The following MAPKBP1 variants were observed in gnomAD, a reference collection of about 807,000 sequenced individuals.
The protein encoded by MAPKBP1 is mitogen-activated protein kinase binding protein 1.
In MAPKBP1, 71 loss-of-function variants were observed where a neutral mutation model predicts 170.5. That is an observed-to-expected ratio of 0.42 (90% CI 0.34 to 0.51). MAPKBP1 has a LOEUF of 0.51. Among genes scored for constraint, MAPKBP1 ranks in the 20% least tolerant of loss-of-function variants. The pLI is 0.06. For missense variants in MAPKBP1, 1,598 were observed against 1,933.0 expected, an observed-to-expected ratio of 0.83 and a Z score of 3.25; for synonymous variants, 719 against 757.9, an observed-to-expected ratio of 0.95 and a Z score of 0.84.
chr15:41,818,449 C>A lies in MAPKBP1; in HGVS notation c.2093-70C>A. 1 of 1,521,274 alleles carries A rather than the reference C, an allele frequency of 6.6e-7. No individual in the cohort carries two copies. The highest frequency in any genetic ancestry group is 9.1e-7 in the Non-Finnish European group (1 of 1,103,654). 94.2% of individuals were successfully genotyped at this position (1,521,274 alleles called of 1,614,324 possible). On this transcript the variant is annotated intron_variant, in intron 18 of 30. Transcript: ENST00000457542. This position sits in a 1 kb window ranked among gnomAD's most constrained non-coding sequence, Gnocchi z 5.2. ...ACCCTGCAGCCAACCCCCGTGTCCA[C>A]TGTTGGGATGGAGAGGACTTGGTTG...
intron 2 of MAPKBP1, among the ~76,000 whole-genome samples, chr15:41,788,894 A>G (rs971948563): frequency 1.3e-5 from 2 of 152,194 alleles, no homozygotes; most frequent in East Asian, 1.9e-4. Context: ...GAAAGAGTCT[A>G]TAGTAAGGAA....
chr15:41,823,871 G>A lies in MAPKBP1; in HGVS notation c.4023G>A (p.Leu1341=), dbSNP rs189343820. 9.9e-6 allele frequency: 16 copies of A among 1,614,164 alleles called. No homozygotes were observed. In the South Asian group the frequency reaches 1.4e-4, roughly 14 times the overall value. Residue 1341 remains leucine (L), a synonymous_variant, in exon 29 of 31, where the codon TTG becomes TTA. Coordinates refer to ENST00000457542, the MANE Select transcript of MAPKBP1 (RefSeq NM_014994.3). The stretch of plus-strand genomic sequence containing the variant: ...GTACAACTGAGAGATGGGCCTGTTT[G>A]GGGGAGGGCACCACTCCCAAGCCTA... ...AHSTTERWAC[L]GEGTTPKPRT...
At chr15:41,784,016 A>G (rs1262592035) in intron 2 of MAPKBP1, among the ~76,000 whole-genome samples, 1 of 152,188 alleles carries the variant, frequency 6.6e-6, no homozygotes, top group Non-Finnish European at 1.5e-5. Context: ...CTCAAAAAAA[A>G]GAAACTCTGA....
intron 6 of MAPKBP1, 114 bp from the exon 7 acceptor site, chr15:41,812,402 C>G: frequency 6.9e-7 from 1 of 1,449,366 alleles, no homozygotes; most frequent in East Asian, 2.3e-5. Flanking sequence ...CCAGTAAATT[C>G]TGGAAAGAAA....
chr15:41,810,917 A>G lies in MAPKBP1; in HGVS notation c.241A>G (p.Lys81Glu), dbSNP rs762281420. ...TGTGTTGTTCAATCCCCGGAAACAC[A>G]AACAGCACCACATCCTCAACAGTTC... ...VVVLFNPRKHKQHHILNSSRK... is the reference protein window; with the variant it reads ...VVVLFNPRKHEQHHILNSSRK... The change falls in exon 4 of 31, where the codon AAA becomes GAA. Residue 81 changes from lysine to glutamate, a missense_variant. Physicochemically the swap from Lys to Glu is moderately conservative, Grantham distance 56. Transcript: ENST00000457542. 1.2e-5 allele frequency: 19 copies of G among 1,614,172 alleles called. No individual in the cohort carries two copies. The highest frequency in any genetic ancestry group is 1.6e-4 in the Middle Eastern group (1 of 6,062).
Position 41,827,268 on chromosome 15 carries a change from C to T in MAPKBP1, c.*1832C>T, listed in dbSNP as rs989173146. 2.6e-5 allele frequency: 4 copies of T among 151,998 alleles called. No homozygotes were observed. Among genetic ancestry groups the T allele is most frequent in the African/African-American group, 9.7e-5 (4 of 41,354 alleles). 9.4% of individuals were successfully genotyped at this position (151,998 alleles called of 1,614,324 possible). A position where few individuals can be genotyped will look rare whatever the true frequency, so the allele number is the denominator to read the frequency against. On this transcript the variant is annotated 3_prime_UTR_variant, in exon 31 of 31. Coordinates refer to ENST00000457542, the MANE Select transcript of MAPKBP1 (RefSeq NM_014994.3). ...TGAGCCGAGATCGCGCCATTGCACT[C>T]CAACCTAGGTGACAAAGCTACACGC... is the stretch of plus-strand genomic sequence containing the variant.
Position 41,823,688 on chromosome 15 carries a change from C to T in MAPKBP1, c.3840C>T (p.Ser1280=), listed in dbSNP as rs2065042010. ...AHAPIRVSPL[S]KLALPSRAHL... ...CCCCCATCCGAGTCTCACCACTCAG[C>T]AAGCTGGCCCTGCCCAGCCGGGCTC... Residue 1280 remains serine (S), a synonymous_variant, in exon 29 of 31, where the codon AGC becomes AGT. Coordinates refer to ENST00000457542, the MANE Select transcript of MAPKBP1 (RefSeq NM_014994.3). 6.2e-7 allele frequency: 1 copy of T among 1,614,092 alleles called. No individual in the cohort carries two copies.
Position 41,817,990 on chromosome 15 carries a change from G to C in MAPKBP1, c.1905-19G>C, listed in dbSNP as rs924248434. 6.2e-7 allele frequency: 1 copy of C among 1,613,368 alleles called. No individual in the cohort carries two copies. Among genetic ancestry groups the C allele is most frequent in the Non-Finnish European group, 8.5e-7 (1 of 1,179,328 alleles). ...ACCTTCACCGCCTCCTCATGAGAAA[G>C]AGACTATGTTTCTTACAGGATATTT... On this transcript the variant is annotated intron_variant, in intron 16 of 30. Transcript: ENST00000457542. The surrounding 1 kb of genome is among the most constrained non-coding windows in gnomAD (Gnocchi z 4.2).
At position 41,817,205 on chromosome 15, in the gene MAPKBP1, T is replaced by G. The variant is rs556362556; in HGVS notation, c.1711+170T>G. Among the ~76,000 whole-genome samples, 1 of 152,276 alleles carries G rather than the reference T, an allele frequency of 6.6e-6. No individual in the cohort carries two copies. The highest frequency in any genetic ancestry group is 2.1e-4 in the South Asian group (1 of 4,822). On this transcript the variant is annotated intron_variant, in intron 14 of 30. Transcript: ENST00000457542. The surrounding 1 kb of genome is among the most constrained non-coding windows in gnomAD (Gnocchi z 4.2). Reference sequence around the variant, plus strand: ...AACAGAGACTCTCAGTGCTGGGACTTGAGCCAACCAGGTTGGACTGAGGAT... The same window carrying G: ...AACAGAGACTCTCAGTGCTGGGACTGGAGCCAACCAGGTTGGACTGAGGAT...
chr15:41,813,795 G>GC lies in MAPKBP1; in HGVS notation c.980+20dup, dbSNP rs754333592. ...CACCGAGGCCAGGTGAGCTATGTGG[G>GC]CCCCCCTTCCTCCATTTGTAGCCTT... On this transcript the variant is annotated intron_variant, in intron 9 of 30. Transcript: ENST00000457542. 1.5e-5 allele frequency: 23 copies of GC among 1,568,876 alleles called. No individual in the cohort carries two copies. Among genetic ancestry groups the GC allele is most frequent in the East Asian group, 6.8e-5 (3 of 43,828 alleles).
At chr15:41,778,212 T>C (rs1256942626) in intron 2 of MAPKBP1, among the ~76,000 whole-genome samples, 1 of 152,188 alleles carries the variant, frequency 6.6e-6, no homozygotes, top group African/African-American at 2.4e-5. Flanking sequence ...TCAAATATAG[T>C]GCGGGATAAA....
At chr15:41,796,992 T>A (rs2064502263) in intron 2 of MAPKBP1, among the ~76,000 whole-genome samples, 1 of 152,200 alleles carries the variant, frequency 6.6e-6, no homozygotes, top group South Asian at 2.1e-4. Context: ...AACTTTCAGT[T>A]TTATGCATAT....
chr15:41,827,805 G>A lies in MAPKBP1; in HGVS notation c.*2369G>A, dbSNP rs1415841120. On this transcript the variant is annotated 3_prime_UTR_variant, in exon 31 of 31. Coordinates refer to ENST00000457542, the MANE Select transcript of MAPKBP1 (RefSeq NM_014994.3). ...GGGGCGGGGGCGCTGTTTTTAACGT[G>A]CCCGTTTGTACTGATGTATGAACTT... 2.7e-5 allele frequency: 8 copies of A among 291,574 alleles called. No homozygotes were observed. The highest frequency in any genetic ancestry group is 5.1e-5 in the Non-Finnish European group (8 of 157,614). 18.1% of individuals were successfully genotyped at this position (291,574 alleles called of 1,614,324 possible).
chr15:41,816,848 G>A, intron 13 of MAPKBP1, 62 bp from the exon 14 acceptor site: 3 of 1,550,658 alleles, frequency 1.9e-6, no homozygotes, highest in African/African-American at 1.4e-5. Flanking sequence ...GGGGCTCTTT[G>A]CCAGGCCCAG....
rs1555454054 is a variant in MAPKBP1 at position 41,819,552 on chromosome 15, G to GGGT, written c.2426-41_2426-40insTGG. ...AGGGCTCCAGGGTTGGGTGGCGGGGGGGGGGCAGGAGACACTTCCTCTGAC... is the reference window on the plus strand; with the variant it reads ...AGGGCTCCAGGGTTGGGTGGCGGGGGGGTGGGGGCAGGAGACACTTCCTCTGAC... On this transcript the variant is annotated intron_variant, in intron 21 of 30. Transcript: ENST00000457542. The GGGT allele has an allele frequency of 1.1e-5, 16 of 1,508,800 alleles. No individual in the cohort carries two copies. The South Asian group carries it at 1.6e-4, about 15-fold the overall frequency. The allele number at this position is 1,508,800 out of a possible 1,614,324, so 93.5% of individuals were successfully genotyped here. A position where few individuals can be genotyped will look rare whatever the true frequency, so the allele number is the denominator to read the frequency against.
At chr15:41,798,536 G>A (rs1216560164) in intron 2 of MAPKBP1, among the ~76,000 whole-genome samples, 3 of 151,980 alleles carry the variant, frequency 2.0e-5, no homozygotes, top group African/African-American at 7.2e-5. Context: ...GCCCACCTTG[G>A]CCTCCCAAAG....
At chr15:41,785,430 C>G (rs2064267569) in intron 2 of MAPKBP1, among the ~76,000 whole-genome samples, 2 of 152,100 alleles carry the variant, frequency 1.3e-5, no homozygotes, top group Non-Finnish European at 2.9e-5. Context: ...TTTAAAATGT[C>G]AAACCAGTGA....
At chr15:41,783,815 C>T (rs918060068) in intron 2 of MAPKBP1, among the ~76,000 whole-genome samples, 7 of 152,318 alleles carry the variant, frequency 4.6e-5, no homozygotes, top group African/African-American at 1.7e-4. Context: ...CAAGACCATC[C>T]TGGCTAACAT....
intron 3 of MAPKBP1, among the ~76,000 whole-genome samples, chr15:41,808,891 C>T (rs568410228): frequency 1.3e-5 from 2 of 152,054 alleles, no homozygotes. Flanking sequence ...CATGGCAAAA[C>T]CCCATCTCTA....
Sources: allele counts gnomAD v4.1 joint callset (sites outside exome capture counted in the v4.1 genomes callset), GRCh38; gene constraint gnomAD v4.1.1; non-coding constraint Gnocchi (gnomAD v3.1); transcripts MANE v1.5; gene names NCBI Gene and HGNC (gene_info 2026-07-23, HGNC 2026-07-21).